Variants in PDE1C observed in about 807,000 individuals in gnomAD.
The protein encoded by PDE1C is phosphodiesterase 1C.
A neutral mutation model predicts 93.1 loss-of-function variants in PDE1C; 62 were observed. The observed-to-expected ratio is 0.67, with a 90% CI of 0.54 to 0.82. The LOEUF (loss-of-function observed/expected upper bound fraction) is 0.82, where lower values mean the gene tolerates loss of function less well. Ranked by LOEUF, PDE1C falls within the 40% of genes least tolerant of loss-of-function variation. PDE1C has a pLI of 0.00. For missense variants in PDE1C, 742 were observed against 884.6 expected, an observed-to-expected ratio of 0.84 and a Z score of 2.04; for synonymous variants, 325 against 310.1, an observed-to-expected ratio of 1.05 and a Z score of -0.50.
intron 2 of PDE1C, among the ~76,000 whole-genome samples, chr7:32,031,743 G>A (rs1790349777): frequency 6.6e-6 from 1 of 152,158 alleles, no homozygotes; most frequent in African/African-American, 2.4e-5. Flanking sequence ...AGGAAACAGA[G>A]GCTGGACACA....
At chr7:31,890,590 G>A (rs1381316812) in intron 2 of PDE1C, among the ~76,000 whole-genome samples, 1 of 152,100 alleles carries the variant, frequency 6.6e-6, no homozygotes, top group Non-Finnish European at 1.5e-5. Flanking sequence ...ATCCAGAGGA[G>A]CTAAAGCTCC....
intron 1 of PDE1C, among the ~76,000 whole-genome samples, chr7:32,223,548 C>T (rs1348640606): frequency 2.0e-5 from 3 of 152,184 alleles, no homozygotes; most frequent in Admixed American, 6.5e-5. Flanking sequence ...TCAGCTGAAA[C>T]ATCATGTCCC....
intron 1 of PDE1C, among the ~76,000 whole-genome samples, chr7:32,376,790 C>G (rs1033854085): frequency 6.6e-6 from 1 of 152,160 alleles, no homozygotes; most frequent in Non-Finnish European, 1.5e-5. Context: ...CAGGTTCACG[C>G]CATTCTCCCG....
At chr7:31,623,201 C>T in the PDE1C span, among the ~76,000 whole-genome samples, 2 of 152,128 alleles carry the variant, frequency 1.3e-5, no homozygotes, top group Non-Finnish European at 1.5e-5. Flanking sequence ...ACCATTCCTT[C>T]TGAAACTATT....
chr7:31,845,841 A>C (rs921640664), intron 9 of PDE1C, among the ~76,000 whole-genome samples: 3 of 151,948 alleles, frequency 2.0e-5, no homozygotes, highest in Non-Finnish European at 2.9e-5. Flanking sequence ...AAATACAAAA[A>C]AATTAGCTGG....
exon 1 of PDE1C, chr7:32,298,798 G>A: frequency 1.3e-6 from 2 of 1,533,718 alleles, no homozygotes; most frequent in Non-Finnish European, 1.7e-6. Context: ...CCCCCCCACG[G>A]CGGAGTGAGC....
intron 3 of PDE1C, among the ~76,000 whole-genome samples, chr7:32,110,962 G>A (rs899497715): frequency 5.9e-5 from 9 of 152,130 alleles, no homozygotes; most frequent in African/African-American, 2.2e-4. Flanking sequence ...AATGCAAGGG[G>A]AGGCAGTGGA....
At chr7:32,146,517 T>A (rs759054971) in intron 3 of PDE1C, among the ~76,000 whole-genome samples, 1 of 152,132 alleles carries the variant, frequency 6.6e-6, no homozygotes, top group Non-Finnish European at 1.5e-5. Context: ...TCCTCCTGCC[T>A]CCCTCTTTCA....
At chr7:32,087,672 TA>T (rs1404233998) in intron 3 of PDE1C, among the ~76,000 whole-genome samples, 2 of 152,114 alleles carry the variant, frequency 1.3e-5, no homozygotes, top group Admixed American at 1.3e-4. Context: ...TATGCAGCCA[TA>T]AAAAAGGATG....
chr7:31,988,771 C>T (rs992955514), intron 2 of PDE1C, among the ~76,000 whole-genome samples: 3 of 151,852 alleles, frequency 2.0e-5, no homozygotes, highest in Non-Finnish European at 2.9e-5. Flanking sequence ...GTGAGACGGG[C>T]GGATCATGAG....
chr7:31,821,806 T>TC (rs1366576309), intron 14 of PDE1C, among the ~76,000 whole-genome samples: 1 of 152,066 alleles, frequency 6.6e-6, no homozygotes, highest in Non-Finnish European at 1.5e-5. Context: ...TTTGAATAAC[T>TC]CCAACAGTGA....
At chr7:31,826,299 A>G (rs1789656379) in intron 12 of PDE1C, among the ~76,000 whole-genome samples, 1 of 152,236 alleles carries the variant, frequency 6.6e-6, no homozygotes, top group African/African-American at 2.4e-5. Context: ...AAGTCCTACA[A>G]TGTAATTGAC....
At chr7:31,759,596 TATCTC>T (rs1170141955) in intron 17 of PDE1C, among the ~76,000 whole-genome samples, 1 of 152,232 alleles carries the variant, frequency 6.6e-6, no homozygotes, top group East Asian at 1.9e-4. Context: ...CAAAGGCACA[TATCTC>T]AGCACAGTAC....
the PDE1C span, among the ~76,000 whole-genome samples, chr7:31,682,943 G>A: frequency 1.3e-5 from 2 of 152,174 alleles, no homozygotes; most frequent in South Asian, 2.1e-4. Context: ...ATGATAGAGA[G>A]AGAGGACAGA....
At chr7:32,133,954 A>G (rs1584826724) in intron 3 of PDE1C, among the ~76,000 whole-genome samples, 1 of 151,784 alleles carries the variant, frequency 6.6e-6, no homozygotes, top group East Asian at 1.9e-4. Flanking sequence ...TATCTTATAA[A>G]TATAAAAAGA....
intron 16 of PDE1C, among the ~76,000 whole-genome samples, chr7:31,795,717 G>A (rs1251688834): frequency 6.6e-6 from 1 of 151,668 alleles, no homozygotes; most frequent in Non-Finnish European, 1.5e-5. Flanking sequence ...ATGAATTGAT[G>A]TTAGAAGTTT....
chr7:32,003,482 T>C (rs1271411284), intron 2 of PDE1C, among the ~76,000 whole-genome samples: 1 of 152,258 alleles, frequency 6.6e-6, no homozygotes, highest in Non-Finnish European at 1.5e-5. Context: ...AGTACAATGC[T>C]TATTGTCTTT....
chr7:31,779,484 C>T (rs899228007), intron 16 of PDE1C, among the ~76,000 whole-genome samples: 2 of 152,132 alleles, frequency 1.3e-5, no homozygotes, highest in Non-Finnish European at 2.9e-5. Context: ...GTCTTCTTTG[C>T]AAACACTGAG....
At chr7:32,380,920 C>G (rs1784523398) in intron 1 of PDE1C, among the ~76,000 whole-genome samples, 1 of 152,004 alleles carries the variant, frequency 6.6e-6, no homozygotes, top group African/African-American at 2.4e-5. Flanking sequence ...GCACACCACA[C>G]CCATGTGAAT....
Sources: gnomAD v4.1 joint callset for allele counts (sites outside exome capture counted in the v4.1 genomes callset) on GRCh38, gnomAD v4.1.1 for gene constraint, MANE v1.5 for transcripts, NCBI Gene and HGNC (gene_info 2026-07-23, HGNC 2026-07-21) for gene names.